The following HMBOX1 variants were observed in gnomAD, a reference collection of about 807,000 sequenced individuals.
HMBOX1 encodes homeobox containing 1.
Under a neutral mutation model 54.5 loss-of-function variants are expected in HMBOX1, and 14 were observed. The observed-to-expected ratio is 0.26, with a 90% CI of 0.17 to 0.40. The LOEUF (loss-of-function observed/expected upper bound fraction) is 0.40, where lower values mean the gene tolerates loss of function less well. Ranked by LOEUF, HMBOX1 falls within the 10% of genes least tolerant of loss-of-function variation. HMBOX1 has a pLI of 1.00. For missense variants in HMBOX1, 332 were observed against 514.4 expected (o/e 0.65, Z 3.43); for synonymous variants, 160 against 181.0 (o/e 0.88, Z 0.93).
chr8:29,018,881 C>T lies in HMBOX1; in HGVS notation c.819C>T (p.Thr273=). 6.2e-7 allele frequency: 1 copy of T among 1,614,158 alleles called. No homozygotes were observed. Among genetic ancestry groups the T allele is most frequent in the Non-Finnish European group, 8.5e-7 (1 of 1,180,014 alleles). Residue 273 remains threonine (T), a synonymous_variant, in exon 6 of 10, where the codon ACC becomes ACT. Coordinates refer to ENST00000287701, the MANE Select transcript of HMBOX1 (RefSeq NM_001135726.3). ...TFRLRRGSRF[T]WRKECLAVME... is the part of the protein sequence containing the mutation. ...GACTGCGACGAGGGAGTCGATTTAC[C>T]TGGAGAAAGGAGTGCCTGGCTGTTA...
At chr8:28,989,768 T>G (rs1396790594) in intron 4 of HMBOX1, among the ~76,000 whole-genome samples, 2 of 152,236 alleles carry the variant, frequency 1.3e-5, no homozygotes, top group African/African-American at 4.8e-5. Flanking sequence ...GGGATTGTGT[T>G]GAATATATAG....
chr8:28,947,400 G>A (rs906344745), intron 1 of HMBOX1, among the ~76,000 whole-genome samples: 1 of 152,286 alleles, frequency 6.6e-6, no homozygotes, highest in East Asian at 1.9e-4. Flanking sequence ...CTGAGATGTG[G>A]AAAGTAAAAC....
intron 3 of HMBOX1, among the ~76,000 whole-genome samples, chr8:28,977,703 G>C (rs561061711): frequency 6.6e-6 from 1 of 152,290 alleles, no homozygotes; most frequent in African/African-American, 2.4e-5. Flanking sequence ...CACTTTGGGA[G>C]TCTGAGATGG....
intron 6 of HMBOX1, among the ~76,000 whole-genome samples, chr8:29,033,466 A>G (rs1803340682): frequency 1.3e-5 from 2 of 152,162 alleles, no homozygotes; most frequent in Non-Finnish European, 1.5e-5. Flanking sequence ...AAATTTTCCC[A>G]CTTATTGACA....
intron 1 of HMBOX1, among the ~76,000 whole-genome samples, chr8:28,903,651 T>C (rs1484536309): frequency 6.6e-6 from 1 of 152,222 alleles, no homozygotes; most frequent in East Asian, 1.9e-4. Flanking sequence ...TGAAGAATTA[T>C]TTTTTGTCTT....
chr8:29,049,405 C>T, intron 9 of HMBOX1: 2 of 1,531,990 alleles, frequency 1.3e-6, no homozygotes, highest in Non-Finnish European at 8.7e-7. Flanking sequence ...GCAAGTTACA[C>T]CATTCACGAC....
chr8:28,999,043 C>G (rs1349363692), intron 4 of HMBOX1, among the ~76,000 whole-genome samples: 1 of 152,086 alleles, frequency 6.6e-6, no homozygotes, highest in African/African-American at 2.4e-5. Context: ...ATTATACTCT[C>G]GTTTATGTTT....
intron 1 of HMBOX1, chr8:28,891,784 G>A (rs1204814269): frequency 1.3e-5 from 2 of 152,288 alleles, no homozygotes; most frequent in East Asian, 1.9e-4. Context: ...CAGTGAAGAA[G>A]CATTGGGTGA....
chr8:28,907,496 TAA>T (rs1455458494), intron 1 of HMBOX1, among the ~76,000 whole-genome samples: 1 of 152,238 alleles, frequency 6.6e-6, no homozygotes, highest in Non-Finnish European at 1.5e-5. Context: ...TTTTTGATAG[TAA>T]TTAAGTTTAT....
chr8:28,919,906 T>A (rs1236385294), intron 1 of HMBOX1, among the ~76,000 whole-genome samples: 1 of 152,148 alleles, frequency 6.6e-6, no homozygotes, highest in Non-Finnish European at 1.5e-5. Context: ...AGCTTAATTT[T>A]AAAATGAAAG....
At chr8:29,009,681 T>C (rs1398334071) in intron 5 of HMBOX1, 8 of 1,286,252 alleles carry the variant, frequency 6.2e-6, no homozygotes, top group South Asian at 1.2e-5. Flanking sequence ...CTTTGGACTT[T>C]AGGATGCAGC....
chr8:28,994,183 CG>C (rs1236325758), intron 4 of HMBOX1, among the ~76,000 whole-genome samples: 1 of 144,066 alleles, frequency 6.9e-6, no homozygotes, highest in Admixed American at 7.0e-5. Flanking sequence ...AAAAAAAAGG[CG>C]GGGGGATGGG....
At chr8:28,939,133 C>G (rs1820903831) in intron 1 of HMBOX1, among the ~76,000 whole-genome samples, 1 of 151,834 alleles carries the variant, frequency 6.6e-6, no homozygotes. Context: ...CTACTAAATA[C>G]AAAAAATTAG....
At chr8:29,048,207 A>G (rs902271484) in intron 8 of HMBOX1, among the ~76,000 whole-genome samples, 1 of 152,232 alleles carries the variant, frequency 6.6e-6, no homozygotes, top group African/African-American at 2.4e-5. Flanking sequence ...AGCAAAAGGC[A>G]GAGATAAAGA....
intron 4 of HMBOX1, among the ~76,000 whole-genome samples, chr8:28,985,803 AAAC>A (rs1313433956): frequency 3.9e-5 from 6 of 152,196 alleles, no homozygotes; most frequent in African/African-American, 1.4e-4. Flanking sequence ...AAGAAAAAAT[AAAC>A]AACAACAACC....
chr8:28,995,371 A>G (rs1284722936), intron 4 of HMBOX1, among the ~76,000 whole-genome samples: 1 of 152,214 alleles, frequency 6.6e-6, no homozygotes, highest in East Asian at 1.9e-4. Context: ...ATAACTGAAT[A>G]ATATATCATT....
At chr8:28,890,133 C>A (rs139342119), upstream of HMBOX1, 157 of 537,884 alleles carry the variant, frequency 2.9e-4, no homozygotes, top group African/African-American at 2.7e-3. Context: ...TCATCCCAGC[C>A]GCCAATGCAT....
chr8:28,942,805 A>G (rs1821692317), intron 1 of HMBOX1, among the ~76,000 whole-genome samples: 1 of 152,222 alleles, frequency 6.6e-6, no homozygotes, highest in South Asian at 2.1e-4. Context: ...ATTACAAATA[A>G]TACTGCAAAG....
intron 5 of HMBOX1, 177 bp downstream of exon 5, chr8:29,009,359 T>C: frequency 1.4e-6 from 1 of 710,366 alleles, no homozygotes; most frequent in African/African-American, 1.9e-5. Flanking sequence ...ATAAATTTTA[T>C]TTTATTGTCT....
Sources: gnomAD v4.1 joint callset for allele counts (sites outside exome capture counted in the v4.1 genomes callset) on GRCh38, gnomAD v4.1.1 for gene constraint, MANE v1.5 for transcripts, NCBI Gene and HGNC (gene_info 2026-07-23, HGNC 2026-07-21) for gene names.